Variants in TEKT5 observed in about 807,000 individuals in gnomAD.
TEKT5 encodes tektin-5.
In TEKT5, 52 loss-of-function variants were observed where a neutral mutation model predicts 48.7. The observed-to-expected ratio is 1.07, with a 90% CI of 0.86 to 1.35. TEKT5 has a LOEUF of 1.35. Ranked by LOEUF, TEKT5 falls within the 40% of genes most tolerant of loss-of-function variation. TEKT5 has a pLI of 0.00. For synonymous variants in TEKT5, 318 were observed against 267.6 expected (o/e 1.19, Z -1.84); for missense variants, 831 against 641.6 (o/e 1.30, Z -3.19).
intron 6 of TEKT5, among the ~76,000 whole-genome samples, chr16:10,630,585 C>T (rs895397221): frequency 8.5e-5 from 13 of 152,120 alleles, no homozygotes; most frequent in African/African-American, 1.4e-4. Flanking sequence ...GCAGCAGTGC[C>T]GTGGAGTAGA....
intron 4 of TEKT5, among the ~76,000 whole-genome samples, chr16:10,676,651 A>G (rs117160556): frequency 6.6e-6 from 1 of 152,152 alleles, no homozygotes; most frequent in Non-Finnish European, 1.5e-5. Flanking sequence ...CTGCTTCTTC[A>G]TTGGGGTCCC....
chr16:10,682,171 A>T, intron 3 of TEKT5, 35 bp from the exon 4 acceptor site: 1 of 1,605,968 alleles, frequency 6.2e-7, no homozygotes. Flanking sequence ...TGGACTATGC[A>T]CCTGCACAGA....
chr16:10,666,978 C>CTTTTT lies in TEKT5; in HGVS notation c.1086+8976_1086+8980dup, dbSNP rs201657619. 1.5e-3 allele frequency among the ~76,000 whole-genome samples: 184 copies of CTTTTT among 124,646 alleles called. 1 individual carries two copies. Among genetic ancestry groups the CTTTTT allele is most frequent in the Middle Eastern group, 4.9e-3 (1 of 204 alleles). The allele number at this position is 124,646 out of a possible 152,430, so 81.8% of individuals were successfully genotyped here. On this transcript the variant is annotated intron_variant, in intron 5 of 6. Coordinates refer to ENST00000283025, the MANE Select transcript of TEKT5 (RefSeq NM_144674.2). The stretch of plus-strand genomic sequence containing the variant: ...CATTCAGCCTAACACTGGCTCCTTA[C>CTTTTT]TTTTTTTTTTTTTTTTTTTTTTTGA...
At chr16:10,630,154 A>G (rs2142253465) in intron 6 of TEKT5, among the ~76,000 whole-genome samples, 1 of 152,094 alleles carries the variant, frequency 6.6e-6, no homozygotes, top group Middle Eastern at 3.4e-3. Context: ...GGCTGGTCTC[A>G]AACTCCCGGG....
intron 5 of TEKT5, among the ~76,000 whole-genome samples, chr16:10,647,167 G>A (rs1567226916): frequency 1.3e-5 from 2 of 152,034 alleles, no homozygotes; most frequent in Admixed American, 6.6e-5. Flanking sequence ...GGGTTCAGCG[G>A]GTGATAAGAA....
At position 10,653,586 on chromosome 16, in the gene TEKT5, A is replaced by G. The variant is rs111949360; in HGVS notation, c.1087-17668T>C. ...CTAGCTGCCAGACACTGTGTAGGAC[A>G]CTTGTTCTTTTGTCTGTAAAAACAG... On this transcript the variant is annotated intron_variant, in intron 5 of 6. Transcript: ENST00000283025. Among the ~76,000 whole-genome samples, 1,294 of 152,284 alleles carry G rather than the reference A, an allele frequency of 8.5e-3. 21 individuals carry two copies. Among genetic ancestry groups the G allele is most frequent in the African/African-American group, 0.029 (1,189 of 41,554 alleles).
intron 5 of TEKT5, among the ~76,000 whole-genome samples, chr16:10,654,937 C>A (rs1898233163): frequency 3.6e-5 from 2 of 55,038 alleles, no homozygotes; most frequent in East Asian, 1.1e-3. Context: ...CCCCCCTCCC[C>A]TCCCCCACCC....
chr16:10,658,533 G>A lies in TEKT5; in HGVS notation c.1086+17426C>T, dbSNP rs1239535250. Among the ~76,000 whole-genome samples, 6 of 152,182 alleles carry A rather than the reference G, an allele frequency of 3.9e-5. 1 individual carries two copies. Among genetic ancestry groups the A allele is most frequent in the African/African-American group, 7.2e-5 (3 of 41,512 alleles). ...ATGATTCTATCAATATGAATTTCAA[G>A]ACCAGGCAAATCTAACGGCTGGTGA... On this transcript the variant is annotated intron_variant, in intron 5 of 6. Transcript: ENST00000283025.
chr16:10,637,156 T>A (rs1449876082), intron 5 of TEKT5, among the ~76,000 whole-genome samples: 1 of 151,592 alleles, frequency 6.6e-6, no homozygotes, highest in Admixed American at 6.6e-5. Flanking sequence ...TAATTTTTTT[T>A]TATATTTTTA....
At chr16:10,641,890 G>A (rs1169426710) in intron 5 of TEKT5, among the ~76,000 whole-genome samples, 2 of 152,232 alleles carry the variant, frequency 1.3e-5, no homozygotes, top group Non-Finnish European at 2.9e-5. Flanking sequence ...CTGGAATTAG[G>A]CAAAGCCTTC....
At chr16:10,640,282 A>G (rs1420810470) in intron 5 of TEKT5, among the ~76,000 whole-genome samples, 2 of 151,888 alleles carry the variant, frequency 1.3e-5, no homozygotes, top group African/African-American at 4.8e-5. Context: ...AGCTGGGACT[A>G]CAGGTGCCTG....
chr16:10,683,944 T>A (rs1333907436), intron 3 of TEKT5, among the ~76,000 whole-genome samples: 1 of 152,214 alleles, frequency 6.6e-6, no homozygotes, highest in African/African-American at 2.4e-5. Context: ...AAAATTTACA[T>A]CCCTGTCTTT....
At chr16:10,690,059 T>C (rs773493661) in intron 1 of TEKT5, 34 bp from the exon 2 acceptor site, 17 of 1,602,662 alleles carry the variant, frequency 1.1e-5, no homozygotes, top group Non-Finnish European at 1.5e-5. Context: ...GTATTCTTCC[T>C]GTAGCTGTAT....
At chr16:10,644,171 C>T (rs989639369) in intron 5 of TEKT5, among the ~76,000 whole-genome samples, 1 of 152,330 alleles carries the variant, frequency 6.6e-6, no homozygotes, top group South Asian at 2.1e-4. Flanking sequence ...CGAGACCCTG[C>T]TGAGCGTTTT....
At chr16:10,665,865 T>G (rs13335314) in intron 5 of TEKT5, among the ~76,000 whole-genome samples, 1 of 152,192 alleles carries the variant, frequency 6.6e-6, no homozygotes, top group Admixed American at 6.5e-5. Context: ...CTGAGAGCTA[T>G]AGCCTGAGAT....
intron 4 of TEKT5, 24 bp from the exon 5 acceptor site, chr16:10,676,205 G>T (rs760510693): frequency 1.2e-6 from 2 of 1,611,868 alleles, no homozygotes; most frequent in Admixed American, 3.3e-5. Flanking sequence ...AGGGTGAGTT[G>T]CAGCAGTCCT....
chr16:10,631,375 A>G (rs371107604), intron 6 of TEKT5, among the ~76,000 whole-genome samples: 2 of 148,686 alleles, frequency 1.3e-5, no homozygotes, highest in Non-Finnish European at 3.0e-5. Flanking sequence ...GGGTTGAAAC[A>G]GGGGAATGGC....
At chr16:10,686,569 A>G (rs535543078) in intron 3 of TEKT5, among the ~76,000 whole-genome samples, 4 of 152,348 alleles carry the variant, frequency 2.6e-5, no homozygotes, top group South Asian at 2.1e-4. Flanking sequence ...AACGACCCCA[A>G]TAGCACATGA....
chr16:10,689,916 C>G lies in TEKT5; in HGVS notation c.648+26G>C, dbSNP rs375154843. On this transcript the variant is annotated intron_variant, in intron 2 of 6. Coordinates refer to ENST00000283025, the MANE Select transcript of TEKT5 (RefSeq NM_144674.2). Reference sequence around the variant, plus strand: ...TGGCCTTCCCGCCTCCTTCAGGGGGCTGGGCAGAACCAGGAGATGCCTTAC... The same window carrying G: ...TGGCCTTCCCGCCTCCTTCAGGGGGGTGGGCAGAACCAGGAGATGCCTTAC... The G allele has an allele frequency of 3.0e-5, 49 of 1,612,728 alleles. 1 individual carries two copies. The highest frequency in any genetic ancestry group is 1.7e-4 in the Admixed American group (10 of 59,926).
Sources: gnomAD v4.1 joint callset for allele counts (sites outside exome capture counted in the v4.1 genomes callset) on GRCh38, gnomAD v4.1.1 for gene constraint, MANE v1.5 for transcripts, NCBI Gene and HGNC (gene_info 2026-07-23, HGNC 2026-07-21) for gene names.